Variants in EHBP1 observed in about 807,000 individuals in gnomAD.
The protein encoded by EHBP1 is EH domain binding protein 1, also known as EH domain-binding protein 1.
In EHBP1, 55 loss-of-function variants were observed where a neutral mutation model predicts 144.0. The ratio of observed to expected loss-of-function variants is 0.38; its 90% CI spans 0.31 to 0.48. The LOEUF (loss-of-function observed/expected upper bound fraction) is 0.48, where lower values mean the gene tolerates loss of function less well. Ranked by LOEUF, EHBP1 falls within the 20% of genes least tolerant of loss-of-function variation. The probability of loss-of-function intolerance (pLI) is 0.98; values close to 1 mark genes in which losing one functional copy is unlikely to be tolerated. For synonymous variants in EHBP1, 469 were observed against 472.7 expected (o/e 0.99, Z 0.10); for missense variants, 1,200 against 1,364.2 (o/e 0.88, Z 1.90).
At chr2:62,975,843 G>A (rs544092233) in intron 14 of EHBP1, among the ~76,000 whole-genome samples, 40 of 150,950 alleles carry the variant, frequency 2.6e-4, no homozygotes, top group African/African-American at 8.0e-4. Flanking sequence ...GCGGTGAGCT[G>A]TGATTGCACC....
At chr2:62,724,552 T>G (rs1294218099) in intron 2 of EHBP1, among the ~76,000 whole-genome samples, 2 of 152,198 alleles carry the variant, frequency 1.3e-5, no homozygotes, top group Non-Finnish European at 2.9e-5. Flanking sequence ...CACTTTGGCT[T>G]TTTGAATTGT....
At chr2:62,744,091 A>G (rs927357539) in intron 2 of EHBP1, among the ~76,000 whole-genome samples, 2 of 152,146 alleles carry the variant, frequency 1.3e-5, no homozygotes, top group African/African-American at 2.4e-5. Context: ...AAATTTTCCA[A>G]TGGAGCCCTT....
At chr2:62,771,488 C>A in intron 5 of EHBP1, 96 bp downstream of exon 5, 8 of 902,130 alleles carry the variant, frequency 8.9e-6, no homozygotes, top group Admixed American at 2.8e-5. Flanking sequence ...AAAAATGTTG[C>A]CTTAAGAAAA....
At chr2:62,779,693 C>A (rs942725314) in intron 5 of EHBP1, among the ~76,000 whole-genome samples, 1 of 152,058 alleles carries the variant, frequency 6.6e-6, no homozygotes, top group Non-Finnish European at 1.5e-5. Flanking sequence ...CTAAATATTT[C>A]GGAAATTTGA....
intron 12 of EHBP1, among the ~76,000 whole-genome samples, chr2:62,946,509 C>T (rs1168925562): frequency 6.6e-6 from 1 of 152,216 alleles, no homozygotes; most frequent in Non-Finnish European, 1.5e-5. Flanking sequence ...CTTCTAGCTT[C>T]ACACATTTCT....
chr2:62,942,779 T>A lies in EHBP1; in HGVS notation c.1247T>A (p.Val416Glu). ...CCAAATGCTAGTCAGTCTTTGCTTG[T>A]ATGGTGTAAAGAAGTTACAAAGAAC... ...RKPNASQSLL[V>E]WCKEVTKNYR... is the part of the protein sequence containing the mutation. Residue 416 changes from valine to glutamate, a missense_variant, in exon 11 of 23, where the codon GTA becomes GAA. By Grantham distance (121) the Val-to-Glu change is moderately radical. Transcript: ENST00000431489. 1 of 1,613,852 alleles carries A rather than the reference T, an allele frequency of 6.2e-7. No individual in the cohort carries two copies. The highest frequency in any genetic ancestry group is 8.5e-7 in the Non-Finnish European group (1 of 1,179,806).
At position 62,750,366 on chromosome 2, in the gene EHBP1, A is replaced by G. The variant is rs186045812; in HGVS notation, c.162+2914A>G. On this transcript the variant is annotated intron_variant, in intron 3 of 22. Transcript: ENST00000431489. ...ATATCTCTGTTTTGGTACCAGTACC[A>G]TGCTGTTTTGGTTACTGTAGCCTTG... 1.9e-3 allele frequency among the ~76,000 whole-genome samples: 293 copies of G among 152,294 alleles called. 1 individual carries two copies. The highest frequency in any genetic ancestry group is 6.6e-3 in the African/African-American group (275 of 41,564).
At chr2:62,850,144 T>G (rs1281559286) in intron 7 of EHBP1, among the ~76,000 whole-genome samples, 1 of 152,176 alleles carries the variant, frequency 6.6e-6, no homozygotes, top group Non-Finnish European at 1.5e-5. Flanking sequence ...TTTAAGCCTG[T>G]GGAGAAAGTG....
chr2:62,937,000 T>A lies in EHBP1; in HGVS notation c.1186-5718T>A, dbSNP rs538112397. On this transcript the variant is annotated intron_variant, in intron 10 of 22. Coordinates refer to ENST00000431489, the MANE Select transcript of EHBP1 (RefSeq NM_001142616.3). ...TATGTCTCGTTACACTGGACTTAATTAGCTCTTGTTCTAGTTCTAGCCAGT... is the reference window on the plus strand; with the variant it reads ...TATGTCTCGTTACACTGGACTTAATAAGCTCTTGTTCTAGTTCTAGCCAGT... 7.2e-5 allele frequency among the ~76,000 whole-genome samples: 11 copies of A among 152,314 alleles called. No individual in the cohort carries two copies. In the South Asian group the frequency reaches 2.3e-3, roughly 32 times the overall value.
At chr2:62,932,540 A>G (rs1169520093) in intron 10 of EHBP1, among the ~76,000 whole-genome samples, 1 of 152,200 alleles carries the variant, frequency 6.6e-6, no homozygotes, top group Non-Finnish European at 1.5e-5. Context: ...ATAGGATGGC[A>G]GTTACTAGGG....
At chr2:62,847,902 C>G (rs898909266) in intron 7 of EHBP1, among the ~76,000 whole-genome samples, 1 of 152,054 alleles carries the variant, frequency 6.6e-6, no homozygotes, top group Admixed American at 6.6e-5. Context: ...AAAAATCCAT[C>G]ACTTTTAATC....
chr2:62,986,035 T>C (rs1035982350), intron 15 of EHBP1, among the ~76,000 whole-genome samples: 1 of 152,164 alleles, frequency 6.6e-6, no homozygotes, highest in African/African-American at 2.4e-5. Flanking sequence ...ACTCTCCCTC[T>C]AGATTAATTA....
intron 19 of EHBP1, among the ~76,000 whole-genome samples, chr2:63,033,033 T>C (rs2061325745): frequency 6.6e-6 from 1 of 152,206 alleles, no homozygotes; most frequent in South Asian, 2.1e-4. Context: ...GAAACATTTG[T>C]AGTAAAATTT....
At chr2:62,727,051 C>T (rs536002889) in intron 2 of EHBP1, among the ~76,000 whole-genome samples, 6 of 152,256 alleles carry the variant, frequency 3.9e-5, no homozygotes, top group South Asian at 2.1e-4. Context: ...TTGGTAGACA[C>T]GTGGTTTCAC....
intron 19 of EHBP1, among the ~76,000 whole-genome samples, chr2:63,037,314 A>G (rs1008269201): frequency 1.3e-5 from 2 of 152,034 alleles, no homozygotes; most frequent in Non-Finnish European, 2.9e-5. Context: ...AATATGATCT[A>G]TCGGTATGTT....
chr2:62,842,296 A>G (rs746022140), intron 7 of EHBP1, among the ~76,000 whole-genome samples: 3 of 152,162 alleles, frequency 2.0e-5, no homozygotes, highest in Non-Finnish European at 4.4e-5. Flanking sequence ...CATGTTGGCC[A>G]GGCTGGTCTT....
chr2:62,952,769 T>A (rs942071528), intron 13 of EHBP1, among the ~76,000 whole-genome samples: 1 of 152,226 alleles, frequency 6.6e-6, no homozygotes, highest in African/African-American at 2.4e-5. Context: ...TTATAACATC[T>A]TTATTTACCA....
At chr2:62,774,315 G>A (rs1278209259) in intron 5 of EHBP1, among the ~76,000 whole-genome samples, 1 of 151,286 alleles carries the variant, frequency 6.6e-6, no homozygotes, top group African/African-American at 2.4e-5. Context: ...AGGTTGCAGT[G>A]AGCCAAGATC....
At chr2:62,726,462 G>C (rs949904950) in intron 2 of EHBP1, among the ~76,000 whole-genome samples, 22 of 152,182 alleles carry the variant, frequency 1.4e-4, no homozygotes, top group African/African-American at 4.3e-4. Context: ...TCTGCTCTCA[G>C]TACTTTTCCT....
Sources: allele counts gnomAD v4.1 joint callset (sites outside exome capture counted in the v4.1 genomes callset), GRCh38; gene constraint gnomAD v4.1.1; transcripts MANE v1.5; gene names NCBI Gene and HGNC (gene_info 2026-07-23, HGNC 2026-07-21).